Variants in UBAP1 observed in about 807,000 individuals in gnomAD.
UBAP1 encodes the protein ubiquitin-associated protein 1.
In UBAP1, 5 loss-of-function variants were observed where a neutral mutation model predicts 39.0. The observed-to-expected ratio is 0.13, with a 90% confidence interval of 0.07 to 0.27. The LOEUF is 0.27. Ranked by LOEUF, UBAP1 falls within the 10% of genes least tolerant of loss-of-function variation. The probability of loss-of-function intolerance (pLI) is 1.00; values close to 1 mark genes in which losing one functional copy is unlikely to be tolerated. For missense variants in UBAP1, 490 were observed against 608.1 expected, an observed-to-expected ratio of 0.81 and a Z score of 2.04; for synonymous variants, 211 against 225.1, an observed-to-expected ratio of 0.94 and a Z score of 0.56.
rs1833076880 is a variant in UBAP1 at position 34,226,133 on chromosome 9, G to GTGTGTGTGTGTGTGTT, written c.34+5200_34+5201insTTGTGTGTGTGTGTGT. On this transcript the variant is annotated intron_variant, in intron 2 of 6. Coordinates refer to ENST00000297661, the MANE Select transcript of UBAP1 (RefSeq NM_016525.5). ...TGTGTGTGTGTGTGTGTGTGTGTGT[G>GTGTGTGTGTGTGTGTT]TGTGTGTGTGTGTGTGTGTGTGTGG... Among the ~76,000 whole-genome samples the GTGTGTGTGTGTGTGTT allele has an allele frequency of 3.5e-5, 5 of 143,248 alleles. No homozygotes were observed. In the East Asian group the frequency reaches 6.2e-4, roughly 18 times the overall value. The allele number at this position is 143,248 out of a possible 152,430, so 94.0% of individuals were successfully genotyped here.
chr9:34,187,729 C>T (rs1477406216), intron 1 of UBAP1, among the ~76,000 whole-genome samples: 10 of 150,322 alleles, frequency 6.7e-5, no homozygotes, highest in Admixed American at 2.0e-4. Context: ...AAACTCTGTC[C>T]GGTTCCTTGG....
rs555692518 is a variant in UBAP1 at position 34,224,053 on chromosome 9, G to A, written c.34+3105G>A. On this transcript the variant is annotated intron_variant, in intron 2 of 6. Coordinates refer to ENST00000297661, the MANE Select transcript of UBAP1 (RefSeq NM_016525.5). ...ACTCCTTCCCCTCTAGCACATAGCCGTCTGTTTGGCCACACTGTCCCGGCC... is the reference window on the plus strand; with the variant it reads ...ACTCCTTCCCCTCTAGCACATAGCCATCTGTTTGGCCACACTGTCCCGGCC... 268 of 554,874 alleles carry A rather than the reference G, an allele frequency of 4.8e-4. 2 individuals are homozygous for A. In the Middle Eastern group the frequency reaches 0.014, roughly 30 times the overall value. 34.4% of individuals were successfully genotyped at this position (554,874 alleles called of 1,614,324 possible).
Position 34,190,637 on chromosome 9 carries a change from T to C in UBAP1, c.-8+11397T>C, listed in dbSNP as rs558858404. ...TCTTTTTTCCTTTCTTTCTTTCTTT[T>C]TTTTTTTTTTTTTGGAGACAGGGTC... is the stretch of plus-strand genomic sequence containing the variant. On this transcript the variant is annotated intron_variant, in intron 1 of 6. Coordinates refer to ENST00000297661, the MANE Select transcript of UBAP1 (RefSeq NM_016525.5). Among the ~76,000 whole-genome samples, 427 of 148,026 alleles carry C rather than the reference T, an allele frequency of 2.9e-3. 1 individual carries two copies. The highest frequency in any genetic ancestry group is 4.6e-3 in the Non-Finnish European group (308 of 66,766).
intron 2 of UBAP1, among the ~76,000 whole-genome samples, chr9:34,222,690 G>A (rs943670610): frequency 1.4e-4 from 21 of 152,012 alleles, no homozygotes; most frequent in African/African-American, 4.8e-4. Context: ...TCAGCTACTC[G>A]GGAGGCTGAG....
intron 1 of UBAP1, among the ~76,000 whole-genome samples, chr9:34,182,491 C>T (rs1277741954): frequency 6.6e-6 from 1 of 152,048 alleles, no homozygotes; most frequent in Non-Finnish European, 1.5e-5. Context: ...AGATGGATCC[C>T]TGACGTTTAA....
chr9:34,188,881 C>T (rs917925099), intron 1 of UBAP1, among the ~76,000 whole-genome samples: 3 of 151,932 alleles, frequency 2.0e-5, no homozygotes, highest in African/African-American at 7.3e-5. Flanking sequence ...TGCTTGAAGC[C>T]GGGAGGCAGA....
At chr9:34,212,062 A>T (rs1342289462) in intron 1 of UBAP1, 1 of 400,844 alleles carries the variant, frequency 2.5e-6, no homozygotes, top group African/African-American at 2.1e-5. Context: ...AATATGTTTT[A>T]TTGTTATTTT....
chr9:34,239,374 T>C (rs1833853473), intron 3 of UBAP1, among the ~76,000 whole-genome samples: 1 of 152,212 alleles, frequency 6.6e-6, no homozygotes, highest in Non-Finnish European at 1.5e-5. Context: ...TCCATGGGGT[T>C]GTAGTGTTGT....
chr9:34,182,631 CTTT>C (rs1830117118), intron 1 of UBAP1, among the ~76,000 whole-genome samples: 1 of 54,998 alleles, frequency 1.8e-5, no homozygotes, highest in African/African-American at 4.7e-5. Context: ...TTCTTTCTTT[CTTT>C]CTTTCTTTCT....
rs780492709 is a variant in UBAP1 at position 34,241,825 on chromosome 9, C to G, written c.800C>G (p.Ser267Cys). 9.3e-6 allele frequency: 15 copies of G among 1,614,144 alleles called. No individual in the cohort carries two copies. The highest frequency in any genetic ancestry group is 6.7e-5 in the East Asian group (3 of 44,878). The change falls in exon 4 of 7, where the codon TCT (serine) becomes TGT (cysteine). Residue 267 changes from serine to cysteine, a missense_variant. Transcript: ENST00000297661. ...GCAGTAAGCAATATCAAATCCCTGT[C>G]TTTCCCCAAACTTGACTCTGATGAC... ...IPAVSNIKSL[S>C]FPKLDSDDSN... is the part of the protein sequence containing the mutation.
chr9:34,238,801 TTA>T (rs1165402835), intron 3 of UBAP1, among the ~76,000 whole-genome samples: 1 of 152,234 alleles, frequency 6.6e-6, no homozygotes, highest in Non-Finnish European at 1.5e-5. Flanking sequence ...GCAATATGAT[TTA>T]AAAACACCTG....
chr9:34,198,462 T>C (rs933064495), intron 1 of UBAP1, among the ~76,000 whole-genome samples: 14 of 152,114 alleles, frequency 9.2e-5, no homozygotes, highest in Non-Finnish European at 2.1e-4. Flanking sequence ...TACTATTAGG[T>C]GAGGCCATAG....
chr9:34,195,789 G>A (rs1446245349), intron 1 of UBAP1, among the ~76,000 whole-genome samples: 2 of 151,652 alleles, frequency 1.3e-5, no homozygotes, highest in East Asian at 3.9e-4. Flanking sequence ...TAGAGACGGG[G>A]TTTCTCCATG....
intron 1 of UBAP1, among the ~76,000 whole-genome samples, chr9:34,216,912 G>A (rs1339295154): frequency 2.6e-5 from 4 of 151,870 alleles, no homozygotes; most frequent in African/African-American, 7.3e-5. Context: ...ATATATTATT[G>A]TTAACTGTAG....
At chr9:34,204,825 C>T (rs1200123959) in intron 1 of UBAP1, among the ~76,000 whole-genome samples, 1 of 152,012 alleles carries the variant, frequency 6.6e-6, no homozygotes, top group Non-Finnish European at 1.5e-5. Flanking sequence ...GGTTCAATAA[C>T]TTGTTGACAT....
chr9:34,216,591 A>C (rs182840833), intron 1 of UBAP1, among the ~76,000 whole-genome samples: 230 of 151,186 alleles, frequency 1.5e-3, no homozygotes, highest in African/African-American at 5.5e-3. Flanking sequence ...ACCTGGACTC[A>C]AGTGAACCTG....
At chr9:34,185,557 TAATCTCGGGC>T (rs565924775) in intron 1 of UBAP1, among the ~76,000 whole-genome samples, 28 of 147,848 alleles carry the variant, frequency 1.9e-4, no homozygotes, top group African/African-American at 7.0e-4. Flanking sequence ...TCAAAAGAAA[TAATCTCGGGC>T]GGGTGCTGTG....
At chr9:34,179,815 C>T (rs990134863) in intron 1 of UBAP1, among the ~76,000 whole-genome samples, 9 of 152,126 alleles carry the variant, frequency 5.9e-5, no homozygotes, top group African/African-American at 2.2e-4. Context: ...ACCTGGGCCT[C>T]AGGAACCGCC....
intron 1 of UBAP1, among the ~76,000 whole-genome samples, chr9:34,196,787 CTA>C (rs2131524478): frequency 6.6e-6 from 1 of 152,060 alleles, no homozygotes; most frequent in South Asian, 2.1e-4. Context: ...TTGAAATTCT[CTA>C]TTGAATTATT....
Sources: allele counts gnomAD v4.1 joint callset (sites outside exome capture counted in the v4.1 genomes callset), GRCh38; gene constraint gnomAD v4.1.1; transcripts MANE v1.5; gene names NCBI Gene and HGNC (gene_info 2026-07-23, HGNC 2026-07-21).